MTHFD1L: variants seen among roughly 807,000 people sequenced by gnomAD.
MTHFD1L encodes methylenetetrahydrofolate dehydrogenase (NADP+ dependent) 1 like.
In MTHFD1L, 81 loss-of-function variants were observed where a neutral mutation model predicts 119.5. The observed-to-expected ratio is 0.68, with a 90% CI of 0.57 to 0.82. The LOEUF is 0.82. MTHFD1L is among the 40% of genes least tolerant of loss of function. The pLI, the probability that MTHFD1L is intolerant of heterozygous loss-of-function variation, is 0.00. For missense variants in MTHFD1L, 1,125 were observed against 1,253.4 expected, an observed-to-expected ratio of 0.90 and a Z score of 1.55; for synonymous variants, 430 against 475.2, an observed-to-expected ratio of 0.90 and a Z score of 1.24.
intron 8 of MTHFD1L, among the ~76,000 whole-genome samples, chr6:150,909,821 G>GCC (rs1786550279): frequency 6.6e-6 from 1 of 152,164 alleles, no homozygotes. Context: ...CTGGGATGCT[G>GCC]ATGTGCTGGG....
chr6:150,931,911 C>T (rs569448143), intron 11 of MTHFD1L, among the ~76,000 whole-genome samples: 1 of 152,236 alleles, frequency 6.6e-6, no homozygotes, highest in Admixed American at 6.5e-5. Context: ...CCTGTAATGC[C>T]AGCCCTTTGG....
At chr6:150,994,883 G>C (rs1199299124) in intron 20 of MTHFD1L, among the ~76,000 whole-genome samples, 2 of 152,300 alleles carry the variant, frequency 1.3e-5, no homozygotes, top group African/African-American at 4.8e-5. Context: ...TTGTTGGGGA[G>C]AGCCCCAAAC....
At chr6:151,068,578 T>C (rs1791581614) in intron 26 of MTHFD1L, among the ~76,000 whole-genome samples, 1 of 152,226 alleles carries the variant, frequency 6.6e-6, no homozygotes. Flanking sequence ...TTTCAGGCTC[T>C]TAATGTTTCC....
intron 1 of MTHFD1L, among the ~76,000 whole-genome samples, chr6:150,874,020 C>T (rs1188282820): frequency 2.0e-5 from 3 of 152,080 alleles, no homozygotes; most frequent in Non-Finnish European, 4.4e-5. Flanking sequence ...TACCATGAAC[C>T]GCTTGGGTCC....
chr6:151,011,337 G>A (rs1782180701), intron 21 of MTHFD1L, among the ~76,000 whole-genome samples: 2 of 151,994 alleles, frequency 1.3e-5, no homozygotes, highest in South Asian at 2.1e-4. Flanking sequence ...AACTACTTCC[G>A]CCCATGTAGG....
intron 20 of MTHFD1L, among the ~76,000 whole-genome samples, chr6:150,982,109 A>G (rs1436427402): frequency 1.3e-5 from 2 of 151,944 alleles, no homozygotes; most frequent in Non-Finnish European, 2.9e-5. Flanking sequence ...AAAGAGAGAG[A>G]GAGAGGGAGA....
intron 4 of MTHFD1L, among the ~76,000 whole-genome samples, chr6:150,880,575 G>A (rs920736103): frequency 6.6e-6 from 1 of 152,184 alleles, no homozygotes; most frequent in Non-Finnish European, 1.5e-5. Context: ...GAATGCAGAC[G>A]GCTTCTCAGC....
At chr6:150,938,628 C>A in intron 12 of MTHFD1L, 71 bp from the exon 13 acceptor site, 1 of 1,532,938 alleles carries the variant, frequency 6.5e-7, no homozygotes. Context: ...GAGCTGTGTC[C>A]CTTGGCCTGT....
intron 1 of MTHFD1L, among the ~76,000 whole-genome samples, chr6:150,867,168 A>G (rs1363510610): frequency 6.6e-6 from 1 of 151,928 alleles, no homozygotes; most frequent in East Asian, 1.9e-4. Flanking sequence ...TTAAGGGGCC[A>G]TTTATTTAGT....
chr6:150,944,260 A>C (rs1301916906), intron 13 of MTHFD1L, among the ~76,000 whole-genome samples: 4 of 152,196 alleles, frequency 2.6e-5, no homozygotes, highest in Non-Finnish European at 5.9e-5. Context: ...AGCCTAGGCA[A>C]CATAGCAAGA....
chr6:151,013,905 G>A, intron 22 of MTHFD1L, 85 bp downstream of exon 22: 1 of 1,190,314 alleles, frequency 8.4e-7, no homozygotes, highest in South Asian at 1.3e-5. Context: ...CCCTCCTTCA[G>A]TGGCCTCTTA....
intron 26 of MTHFD1L, among the ~76,000 whole-genome samples, chr6:151,052,633 G>A (rs1296493208): frequency 2.0e-5 from 3 of 152,230 alleles, no homozygotes; most frequent in Admixed American, 6.5e-5. Context: ...GGACCCTGAA[G>A]GCAGTAGGGT....
chr6:151,038,729 G>A lies in MTHFD1L; in HGVS notation c.2847+1612G>A, dbSNP rs1005397890. ...CTCGGGCCAGAGGCAATCAAGGTCC[G>A]CACTTTGGCCACAGAAGTAGATACA... On this transcript the variant is annotated intron_variant, in intron 26 of 27. Transcript: ENST00000367321. Among the ~76,000 whole-genome samples the A allele has an allele frequency of 4.6e-5, 7 of 152,118 alleles. No individual in the cohort carries two copies. The East Asian group carries it at 7.7e-4, about 17-fold the overall frequency.
chr6:151,074,171 T>C (rs1324463429), intron 26 of MTHFD1L, among the ~76,000 whole-genome samples: 1 of 152,172 alleles, frequency 6.6e-6, no homozygotes, highest in Non-Finnish European at 1.5e-5. Context: ...ATAAAGACTA[T>C]TTTAGACACG....
chr6:150,978,655 G>A (rs79622974), intron 20 of MTHFD1L, among the ~76,000 whole-genome samples: 1 of 152,170 alleles, frequency 6.6e-6, no homozygotes, highest in East Asian at 1.9e-4. Context: ...CATTAAAAAC[G>A]CCCCCGTTTC....
intron 27 of MTHFD1L, chr6:151,100,032 TTC>T: frequency 4.5e-6 from 3 of 667,640 alleles, no homozygotes; most frequent in Non-Finnish European, 5.0e-6. Context: ...TTTCTTTCTT[TTC>T]TTTTTTTTTT....
intron 20 of MTHFD1L, among the ~76,000 whole-genome samples, chr6:150,975,669 G>A (rs868756984): frequency 5.9e-5 from 9 of 152,194 alleles, no homozygotes; most frequent in African/African-American, 2.2e-4. Flanking sequence ...CAGTGGGAAG[G>A]GGAAGGTGGC....
intron 17 of MTHFD1L, among the ~76,000 whole-genome samples, chr6:150,957,557 A>T (rs149024945): frequency 6.6e-6 from 1 of 152,324 alleles, no homozygotes; most frequent in East Asian, 1.9e-4. Context: ...AATTCTGTGT[A>T]TTAGGATATT....
intron 21 of MTHFD1L, among the ~76,000 whole-genome samples, chr6:151,011,298 G>C (rs190568203): frequency 6.6e-6 from 1 of 152,286 alleles, no homozygotes; most frequent in Admixed American, 6.5e-5. Context: ...TTTAGACATT[G>C]AATCTGTATA....
Sources: allele counts gnomAD v4.1 joint callset (sites outside exome capture counted in the v4.1 genomes callset), GRCh38; gene constraint gnomAD v4.1.1; transcripts MANE v1.5; gene names NCBI Gene and HGNC (gene_info 2026-07-23, HGNC 2026-07-21).